The following ANO10 variants were observed in gnomAD, a reference collection of about 807,000 sequenced individuals.
ANO10 encodes anoctamin 10.
In ANO10, 77 loss-of-function variants were observed where a neutral mutation model predicts 74.7. The observed-to-expected ratio is 1.03, with a 90% CI of 0.86 to 1.25. The LOEUF is 1.25. Ranked by LOEUF, ANO10 falls within the 50% of genes most tolerant of loss-of-function variation. The pLI, the probability that ANO10 is intolerant of heterozygous loss-of-function variation, is 0.00. For synonymous variants in ANO10, 279 were observed against 284.9 expected, an observed-to-expected ratio of 0.98 and a Z score of 0.21; for missense variants, 721 against 778.1, an observed-to-expected ratio of 0.93 and a Z score of 0.87.
chr3:43,495,137 G>A (rs1447166446), intron 11 of ANO10, among the ~76,000 whole-genome samples: 1 of 151,854 alleles, frequency 6.6e-6, no homozygotes, highest in African/African-American at 2.4e-5. Flanking sequence ...TTAGGTTACT[G>A]GAAAAGACGG....
chr3:43,466,811 A>C (rs978365224), intron 11 of ANO10, among the ~76,000 whole-genome samples: 1 of 152,250 alleles, frequency 6.6e-6, no homozygotes, highest in African/African-American at 2.4e-5. Flanking sequence ...AAGTAAATGA[A>C]AAAGCACATC....
intron 7 of ANO10, among the ~76,000 whole-genome samples, chr3:43,573,605 T>C (rs752319847): frequency 2.0e-5 from 3 of 152,214 alleles, no homozygotes; most frequent in Non-Finnish European, 4.4e-5. Context: ...TTCTCACTTA[T>C]GTTACAGATG....
chr3:43,552,328 T>C (rs913034958), intron 10 of ANO10, among the ~76,000 whole-genome samples: 7 of 152,060 alleles, frequency 4.6e-5, no homozygotes, highest in African/African-American at 1.7e-4. Flanking sequence ...GCCAAGGTGG[T>C]AGGATCATTT....
chr3:43,438,699 A>G (rs1423166418), intron 11 of ANO10, among the ~76,000 whole-genome samples: 1 of 152,052 alleles, frequency 6.6e-6, no homozygotes, highest in Non-Finnish European at 1.5e-5. Context: ...GTGAGCCGAG[A>G]TGGTGCCACT....
chr3:43,531,340 T>C (rs558813726), intron 11 of ANO10, among the ~76,000 whole-genome samples: 21 of 152,344 alleles, frequency 1.4e-4, no homozygotes, highest in Middle Eastern at 6.8e-3. Flanking sequence ...GTCATCTTAA[T>C]AGTGGCTTAT....
intron 11 of ANO10, among the ~76,000 whole-genome samples, chr3:43,486,324 T>C (rs560216738): frequency 6.6e-6 from 1 of 152,290 alleles, no homozygotes; most frequent in East Asian, 1.9e-4. Context: ...TTTAAAGTAG[T>C]TTTTTCCAAT....
At chr3:43,669,547 C>T (rs2084032264) in intron 1 of ANO10, among the ~76,000 whole-genome samples, 1 of 152,014 alleles carries the variant, frequency 6.6e-6, no homozygotes, top group Non-Finnish European at 1.5e-5. Flanking sequence ...GTATTTGCTG[C>T]CTATTTTTTC....
At chr3:43,417,439 C>T (rs1008692162) in intron 12 of ANO10, among the ~76,000 whole-genome samples, 41 of 152,272 alleles carry the variant, frequency 2.7e-4, no homozygotes, top group African/African-American at 9.9e-4. Context: ...TCAGACACTG[C>T]CTCCTCAAGC....
chr3:43,690,596 C>G (rs1288641731), intron 1 of ANO10: 1 of 207,836 alleles, frequency 4.8e-6, no homozygotes, highest in Non-Finnish European at 9.6e-6. Flanking sequence ...TAGCTAGGCT[C>G]TTCCAGGACC....
intron 1 of ANO10, among the ~76,000 whole-genome samples, chr3:43,619,067 G>T (rs938023755): frequency 6.6e-6 from 1 of 152,240 alleles, no homozygotes; most frequent in Non-Finnish European, 1.5e-5. Flanking sequence ...GCCTCCCAAA[G>T]TGCTGGGATT....
chr3:43,420,269 A>G (rs1421828217), intron 12 of ANO10, among the ~76,000 whole-genome samples: 2 of 151,564 alleles, frequency 1.3e-5, no homozygotes, highest in Non-Finnish European at 2.9e-5. Flanking sequence ...AACATGATGA[A>G]ACCCTGTCTC....
chr3:43,512,569 A>G (rs1402957730), intron 11 of ANO10, among the ~76,000 whole-genome samples: 1 of 152,156 alleles, frequency 6.6e-6, no homozygotes, highest in African/African-American at 2.4e-5. Context: ...TGGATATATT[A>G]CGTTTTGCAG....
At chr3:43,381,027 C>T (rs1002311298) in intron 12 of ANO10, among the ~76,000 whole-genome samples, 1 of 152,096 alleles carries the variant, frequency 6.6e-6, no homozygotes, top group African/African-American at 2.4e-5. Context: ...AAGCGCCGAG[C>T]AAAGGGGTAC....
In ANO10 at chr3:43,428,796, C is replaced by CAAAAAAAAAAAAAAAAAAAAAAAAAA. The variant is rs56213626; in HGVS notation, c.1914+3814_1914+3815insTTTTTTTTTTTTTTTTTTTTTTTTTT. 3.6e-5 allele frequency among the ~76,000 whole-genome samples: 2 copies of CAAAAAAAAAAAAAAAAAAAAAAAAAA among 55,424 alleles called. 1 individual carries two copies. Among genetic ancestry groups the CAAAAAAAAAAAAAAAAAAAAAAAAAA allele is most frequent in the Non-Finnish European group, 6.4e-5 (2 of 31,072 alleles). 36.4% of individuals were successfully genotyped at this position (55,424 alleles called of 152,430 possible). A position where few individuals can be genotyped will look rare whatever the true frequency, so the allele number is the denominator to read the frequency against. On this transcript the variant is annotated intron_variant, in intron 12 of 12. Transcript: ENST00000292246. The stretch of plus-strand genomic sequence containing the variant: ...CCAAAATCCTGAAACTTTGTGAATG[C>CAAAAAAAAAAAAAAAAAAAAAAAAAA]AAAAAAAAAAAAAAAAAAAAAAGTC...
intron 11 of ANO10, among the ~76,000 whole-genome samples, chr3:43,533,456 C>T (rs1201500696): frequency 2.6e-5 from 4 of 152,282 alleles, no homozygotes; most frequent in African/African-American, 9.6e-5. Flanking sequence ...AGTTATTCTA[C>T]TAACAGATTC....
rs1329197022 is a variant in ANO10, at chr3:43,598,680, G to T, written c.338-14C>A. 1.5e-5 allele frequency: 23 copies of T among 1,574,848 alleles called. No individual in the cohort carries two copies. Among genetic ancestry groups the T allele is most frequent in the Non-Finnish European group, 2.0e-5 (23 of 1,152,810 alleles). ...CATCATTGTTATCTAAAATAAAACA[G>T]AAATTACCAGATTTTAGTAATAATC... On this transcript the variant is annotated splice_polypyrimidine_tract_variant and intron_variant, in intron 3 of 12. Coordinates refer to ENST00000292246, the MANE Select transcript of ANO10 (RefSeq NM_018075.5).
intron 11 of ANO10, among the ~76,000 whole-genome samples, chr3:43,509,993 C>T (rs1398711055): frequency 6.6e-6 from 1 of 151,932 alleles, no homozygotes; most frequent in Non-Finnish European, 1.5e-5. Flanking sequence ...TTTTGAGAGA[C>T]AAAATTTTGG....
At chr3:43,644,759 A>C (rs1311625164) in intron 1 of ANO10, among the ~76,000 whole-genome samples, 1 of 152,206 alleles carries the variant, frequency 6.6e-6, no homozygotes, top group Non-Finnish European at 1.5e-5. Flanking sequence ...TTCTGGTTGC[A>C]GCTCTTGCTG....
rs536169111 is a variant in ANO10, at chr3:43,379,660, C to T, written c.1915-12686G>A. Among the ~76,000 whole-genome samples the T allele has an allele frequency of 5.7e-4, 87 of 152,222 alleles. No individual in the cohort carries two copies. In the Middle Eastern group the frequency reaches 0.01, roughly 18 times the overall value. On this transcript the variant is annotated intron_variant, in intron 12 of 12. Coordinates refer to ENST00000292246, the MANE Select transcript of ANO10 (RefSeq NM_018075.5). Reference sequence around the variant, plus strand: ...TAAACTCAGCGCTGTTGTGGGGGCACGGTGGGAGGGAGACTGGCCTTTTGG... The same window carrying T: ...TAAACTCAGCGCTGTTGTGGGGGCATGGTGGGAGGGAGACTGGCCTTTTGG...
Sources: gnomAD v4.1 joint callset for allele counts (sites outside exome capture counted in the v4.1 genomes callset) on GRCh38, gnomAD v4.1.1 for gene constraint, MANE v1.5 for transcripts, NCBI Gene and HGNC (gene_info 2026-07-23, HGNC 2026-07-21) for gene names.